CHN1: variants seen among roughly 807,000 people sequenced by gnomAD.
The protein encoded by CHN1 is N-chimaerin.
Under a neutral mutation model 59.5 loss-of-function variants are expected in CHN1, and 37 were observed. That is an observed-to-expected ratio of 0.62 (90% CI 0.48 to 0.82). The LOEUF (loss-of-function observed/expected upper bound fraction) is 0.82, where lower values mean the gene tolerates loss of function less well. Ranked by LOEUF, CHN1 falls within the 40% of genes least tolerant of loss-of-function variation. CHN1 has a pLI of 0.00. For synonymous variants in CHN1, 206 were observed against 200.4 expected (o/e 1.03, Z -0.24); for missense variants, 469 against 571.0 (o/e 0.82, Z 1.82).
chr2:174,931,378 T>C (rs530174216), intron 3 of CHN1, among the ~76,000 whole-genome samples: 2 of 152,216 alleles, frequency 1.3e-5, no homozygotes, highest in South Asian at 2.1e-4. Flanking sequence ...CAAACTCTAA[T>C]TTCAATTAGA....
chr2:174,959,586 T>A (rs1368968805), intron 1 of CHN1, among the ~76,000 whole-genome samples: 1 of 152,122 alleles, frequency 6.6e-6, no homozygotes, highest in Non-Finnish European at 1.5e-5. Context: ...AGATTCAAAA[T>A]TAAAGAGTTC....
At chr2:174,827,607 G>C (rs983016359) in intron 7 of CHN1, among the ~76,000 whole-genome samples, 1 of 152,206 alleles carries the variant, frequency 6.6e-6, no homozygotes, top group African/African-American at 2.4e-5. Flanking sequence ...TTGTTAAGGG[G>C]AGTGACACGG....
At chr2:174,991,983 C>T (rs561380173) in intron 1 of CHN1, among the ~76,000 whole-genome samples, 161 of 152,228 alleles carry the variant, frequency 1.1e-3, no homozygotes, top group Non-Finnish European at 1.6e-3. Context: ...ATAACTATTA[C>T]GAAAGAAATG....
chr2:174,859,567 G>C (rs1483483750), intron 6 of CHN1, among the ~76,000 whole-genome samples: 1 of 152,190 alleles, frequency 6.6e-6, no homozygotes, highest in Non-Finnish European at 1.5e-5. Flanking sequence ...CCCCAAATCA[G>C]TAGCACTTAG....
intron 6 of CHN1, among the ~76,000 whole-genome samples, chr2:174,872,035 A>C (rs1160277726): frequency 1.3e-5 from 2 of 152,170 alleles, no homozygotes; most frequent in Non-Finnish European, 2.9e-5. Flanking sequence ...TAATCCCAGC[A>C]CTTCAGGAGG....
At chr2:174,893,158 T>C (rs962578497) in intron 5 of CHN1, among the ~76,000 whole-genome samples, 1 of 152,114 alleles carries the variant, frequency 6.6e-6, no homozygotes, top group African/African-American at 2.4e-5. Context: ...AGCATCCAAA[T>C]TGCAAAGGAA....
chr2:174,955,955 A>G (rs1462503420), intron 1 of CHN1, among the ~76,000 whole-genome samples: 1 of 152,204 alleles, frequency 6.6e-6, no homozygotes, highest in Admixed American at 6.5e-5. Context: ...CCAGGGTGAC[A>G]GGACCTGTAC....
intron 3 of CHN1, among the ~76,000 whole-genome samples, chr2:174,919,674 G>A (rs572501911): frequency 6.6e-6 from 1 of 151,936 alleles, no homozygotes; most frequent in East Asian, 1.9e-4. Flanking sequence ...GTGTGTGAAT[G>A]TATTATGGTA....
At chr2:174,890,119 AAGAT>A (rs1235219253) in intron 5 of CHN1, among the ~76,000 whole-genome samples, 3 of 152,180 alleles carry the variant, frequency 2.0e-5, no homozygotes, top group Non-Finnish European at 4.4e-5. Context: ...CTCCAGTTGA[AAGAT>A]AGAGAGTGGC....
At chr2:174,852,690 G>A (rs1455411986) in intron 6 of CHN1, among the ~76,000 whole-genome samples, 5 of 152,142 alleles carry the variant, frequency 3.3e-5, no homozygotes, top group East Asian at 1.9e-4. Context: ...AAGTTATAAC[G>A]TTATAGTAAC....
At chr2:174,975,902 A>C (rs1690908565) in intron 1 of CHN1, among the ~76,000 whole-genome samples, 1 of 151,922 alleles carries the variant, frequency 6.6e-6, no homozygotes, top group Non-Finnish European at 1.5e-5. Flanking sequence ...TGGGCGGATC[A>C]CGAGGTCAAG....
At chr2:174,823,925 T>A (rs1402127888) in intron 8 of CHN1, among the ~76,000 whole-genome samples, 1 of 152,214 alleles carries the variant, frequency 6.6e-6, no homozygotes, top group Non-Finnish European at 1.5e-5. Context: ...AGTGACTAAG[T>A]GGTTTTTCAG....
chr2:174,932,141 C>A (rs1689367296), intron 3 of CHN1, among the ~76,000 whole-genome samples: 1 of 152,174 alleles, frequency 6.6e-6, no homozygotes, highest in Non-Finnish European at 1.5e-5. Flanking sequence ...AGTTACCCTC[C>A]TGAGGGATTA....
intron 8 of CHN1, among the ~76,000 whole-genome samples, chr2:174,820,921 C>A (rs888713056): frequency 6.6e-6 from 1 of 152,146 alleles, no homozygotes; most frequent in Non-Finnish European, 1.5e-5. Context: ...TCCTGACAAG[C>A]TCTCTTTTGC....
chr2:174,863,308 A>C (rs1476202863), intron 6 of CHN1, among the ~76,000 whole-genome samples: 1 of 152,148 alleles, frequency 6.6e-6, no homozygotes, highest in African/African-American at 2.4e-5. Context: ...CAGAGTAAAA[A>C]ATGGCTATTA....
chr2:174,858,383 T>A (rs140304561), intron 6 of CHN1, among the ~76,000 whole-genome samples: 1 of 152,136 alleles, frequency 6.6e-6, no homozygotes, highest in African/African-American at 2.4e-5. Context: ...TTTTGAAAAT[T>A]TGCTTTTATT....
rs746483820 is a variant in CHN1 at position 174,884,515 on chromosome 2, ACCAGT to A, written c.261-6392_261-6388del. 9.2e-5 allele frequency among the ~76,000 whole-genome samples: 14 copies of A among 152,328 alleles called. No homozygotes were observed. The East Asian group carries it at 9.6e-4, about 10-fold the overall frequency. On this transcript the variant is annotated intron_variant, in intron 5 of 12. Coordinates refer to ENST00000409900, the MANE Select transcript of CHN1 (RefSeq NM_001822.7). ...GCAAGGATACAGAGCAGTTAATATA[ACCAGT>A]ACCTGCAATATTGTTTAACAAAGGG...
At chr2:174,977,154 G>A (rs2105445245) in intron 1 of CHN1, among the ~76,000 whole-genome samples, 1 of 152,300 alleles carries the variant, frequency 6.6e-6, no homozygotes, top group African/African-American at 2.4e-5. Flanking sequence ...AAACCCGCCT[G>A]TCTCAACGAC....
intron 6 of CHN1, among the ~76,000 whole-genome samples, chr2:174,851,289 CT>C (rs1040175821): frequency 6.6e-6 from 1 of 151,348 alleles, no homozygotes; most frequent in South Asian, 2.1e-4. Context: ...CCTGCCCATC[CT>C]TTTTTTTGAG....
Sources: allele counts gnomAD v4.1 joint callset (sites outside exome capture counted in the v4.1 genomes callset), GRCh38; gene constraint gnomAD v4.1.1; transcripts MANE v1.5; gene names NCBI Gene and HGNC (gene_info 2026-07-23, HGNC 2026-07-21).